The following ARHGAP35 variants were observed in gnomAD, a reference collection of about 807,000 sequenced individuals.
ARHGAP35 encodes the protein Rho GTPase activating protein 35.
A neutral mutation model predicts 111.1 loss-of-function variants in ARHGAP35; 15 were observed. That is an observed-to-expected ratio of 0.13 (90% confidence interval 0.09 to 0.21). The LOEUF (loss-of-function observed/expected upper bound fraction) is 0.21, where lower values mean the gene tolerates loss of function less well. ARHGAP35 is among the 10% of genes least tolerant of loss of function. The pLI, the probability that ARHGAP35 is intolerant of heterozygous loss-of-function variation, is 1.00. For missense variants in ARHGAP35, 1,262 were observed against 1,873.0 expected, an observed-to-expected ratio of 0.67 and a Z score of 6.02; for synonymous variants, 643 against 710.3, an observed-to-expected ratio of 0.91 and a Z score of 1.51.
At chr19:46,944,451 C>A (rs2122236478) in intron 3 of ARHGAP35, among the ~76,000 whole-genome samples, 1 of 152,210 alleles carries the variant, frequency 6.6e-6, no homozygotes, top group African/African-American at 2.4e-5. Flanking sequence ...AATGCTAGTC[C>A]CCCAAAACAT....
At chr19:46,914,037 C>T (rs2056151867) in intron 1 of ARHGAP35, among the ~76,000 whole-genome samples, 1 of 152,108 alleles carries the variant, frequency 6.6e-6, no homozygotes, top group African/African-American at 2.4e-5. Flanking sequence ...TATTTGTGAC[C>T]AAGCACTTAA....
intron 1 of ARHGAP35, among the ~76,000 whole-genome samples, chr19:46,896,701 C>T (rs963650344): frequency 3.9e-5 from 6 of 152,278 alleles, no homozygotes; most frequent in Non-Finnish European, 8.8e-5. Flanking sequence ...TGATCTTGAA[C>T]GAGTCTCTTG....
intron 1 of ARHGAP35, among the ~76,000 whole-genome samples, chr19:46,877,990 T>G (rs1357465985): frequency 6.6e-6 from 1 of 151,120 alleles, no homozygotes; most frequent in Non-Finnish European, 1.5e-5. Flanking sequence ...TTACAGGCAT[T>G]AGCCACCGCT....
chr19:46,960,076 C>T (rs1351595902), intron 3 of ARHGAP35, among the ~76,000 whole-genome samples: 2 of 145,994 alleles, frequency 1.4e-5, no homozygotes, highest in Admixed American at 1.4e-4. Flanking sequence ...CACCACTGTA[C>T]TCCAGCCTGG....
At chr19:46,911,535 T>C (rs1440777131) in intron 1 of ARHGAP35, among the ~76,000 whole-genome samples, 3 of 152,216 alleles carry the variant, frequency 2.0e-5, no homozygotes, top group African/African-American at 7.2e-5. Flanking sequence ...AAGGAGGGAA[T>C]TTAGCTGCTG....
chr19:46,933,947 G>A lies in ARHGAP35; in HGVS notation c.3682-3317G>A, dbSNP rs144499311. ...TGTTCCTAGTATTAAGAGGGTGGGG[G>A]AATGTAAGATTGAAATTTGTTGTCT... On this transcript the variant is annotated intron_variant, in intron 2 of 6. Coordinates refer to ENST00000672722, the MANE Select transcript of ARHGAP35 (RefSeq NM_004491.5). 7.9e-3 allele frequency among the ~76,000 whole-genome samples: 1,208 copies of A among 152,318 alleles called. 7 individuals carry two copies. The highest frequency in any genetic ancestry group is 0.037 in the Middle Eastern group (11 of 294).
intron 1 of ARHGAP35, among the ~76,000 whole-genome samples, chr19:46,876,375 A>G (rs958994118): frequency 6.6e-6 from 1 of 150,936 alleles, no homozygotes; most frequent in Non-Finnish European, 1.5e-5. Flanking sequence ...ATTTTTTTTA[A>G]ATTTTTTTTT....
intron 2 of ARHGAP35, among the ~76,000 whole-genome samples, chr19:46,933,483 A>G (rs939464173): frequency 2.6e-5 from 4 of 151,966 alleles, no homozygotes; most frequent in Admixed American, 1.3e-4. Flanking sequence ...TCATCCATTT[A>G]TTTATTCTCT....
chr19:46,961,952 GAA>G (rs932730751), intron 3 of ARHGAP35, among the ~76,000 whole-genome samples: 1 of 151,336 alleles, frequency 6.6e-6, no homozygotes, highest in African/African-American at 2.4e-5. Flanking sequence ...GAGAAAGAAA[GAA>G]AAAGAGAGAA....
In ARHGAP35 at chr19:46,918,802, G is replaced by T; in HGVS notation, c.127G>T (p.Val43Leu). The change falls in exon 2 of 7, where the codon GTG (valine) becomes TTG (leucine). Residue 43 changes from valine (V) to leucine (L), a missense_variant. Coordinates refer to ENST00000672722, the MANE Select transcript of ARHGAP35 (RefSeq NM_004491.5). This position sits in a 1 kb window ranked among gnomAD's most constrained non-coding sequence, Gnocchi z 5.4. Reference protein sequence around the residue: ...IGKSCLCNRFVRPSADEFHLD... With the variant: ...IGKSCLCNRFLRPSADEFHLD... ...AAAGTCTTGTTTGTGCAACCGCTTC[G>T]TGCGCCCGAGTGCTGACGAGTTTCA... 3.1e-6 allele frequency: 5 copies of T among 1,613,948 alleles called. No individual in the cohort carries two copies. The South Asian group carries it at 3.3e-5, about 11-fold the overall frequency.
intron 3 of ARHGAP35, among the ~76,000 whole-genome samples, chr19:46,983,606 CTTTTTTTT>C (rs11383795): frequency 4.3e-5 from 3 of 69,264 alleles, no homozygotes; most frequent in Admixed American, 2.1e-4. Context: ...AATGTCCATT[CTTTTTTTT>C]TTTTTTTTTT....
intron 3 of ARHGAP35, among the ~76,000 whole-genome samples, chr19:46,943,769 C>T (rs1467225730): frequency 6.6e-6 from 1 of 152,154 alleles, no homozygotes; most frequent in Non-Finnish European, 1.5e-5. Flanking sequence ...TGCATCATCA[C>T]TTGTGAAGGC....
chr19:46,963,343 C>T (rs529194580), intron 3 of ARHGAP35, among the ~76,000 whole-genome samples: 3 of 152,322 alleles, frequency 2.0e-5, no homozygotes, highest in East Asian at 3.9e-4. Flanking sequence ...AGCACATCTG[C>T]GTGGGGTGCC....
chr19:46,928,625 T>C (rs1387603684), intron 2 of ARHGAP35, among the ~76,000 whole-genome samples: 1 of 152,014 alleles, frequency 6.6e-6, no homozygotes, highest in Non-Finnish European at 1.5e-5. Flanking sequence ...CTTCATGCCT[T>C]AATAGAACAA....
At chr19:46,977,169 C>T (rs1449623793) in intron 3 of ARHGAP35, among the ~76,000 whole-genome samples, 1 of 152,214 alleles carries the variant, frequency 6.6e-6, no homozygotes. Flanking sequence ...CCTGTGGGGA[C>T]TCCCAGCCAC....
chr19:46,871,293 A>G (rs891776312), intron 1 of ARHGAP35, among the ~76,000 whole-genome samples: 1 of 152,188 alleles, frequency 6.6e-6, no homozygotes, highest in Non-Finnish European at 1.5e-5. Flanking sequence ...TGAAATTGCT[A>G]TCAGGCCTGC....
intron 1 of ARHGAP35, among the ~76,000 whole-genome samples, chr19:46,878,637 TTTGTTG>T (rs200543933): frequency 1.3e-5 from 2 of 151,952 alleles, no homozygotes; most frequent in Non-Finnish European, 2.9e-5. Flanking sequence ...TTCCTTTGTT[TTTGTTG>T]TTGTTGTTGT....
At position 46,988,443 on chromosome 19, in the gene ARHGAP35, G is replaced by T. The variant is rs116909859; in HGVS notation, c.3904+377G>T. 3.6e-4 allele frequency: 85 copies of T among 233,976 alleles called. No individual in the cohort carries two copies. The East Asian group carries it at 0.01, about 28-fold the overall frequency. 14.5% of individuals were successfully genotyped at this position (233,976 alleles called of 1,614,324 possible). A position where few individuals can be genotyped will look rare whatever the true frequency, so the allele number is the denominator to read the frequency against. On this transcript the variant is annotated intron_variant, in intron 4 of 6. Coordinates refer to ENST00000672722, the MANE Select transcript of ARHGAP35 (RefSeq NM_004491.5). This position sits in a 1 kb window ranked among gnomAD's most constrained non-coding sequence, Gnocchi z 5.4. ...TCGGGTTGAGATGTGATCCTGTTTTGCCAGGGCCTCAGATCTACCCTCCTC... is the reference window on the plus strand; with the variant it reads ...TCGGGTTGAGATGTGATCCTGTTTTTCCAGGGCCTCAGATCTACCCTCCTC...
intron 1 of ARHGAP35, among the ~76,000 whole-genome samples, chr19:46,916,450 G>T (rs1243390113): frequency 6.6e-6 from 1 of 151,982 alleles, no homozygotes; most frequent in East Asian, 1.9e-4. Flanking sequence ...CTACAGAAAG[G>T]CTTTCCCGAA....
Sources: gnomAD v4.1 joint callset for allele counts (sites outside exome capture counted in the v4.1 genomes callset) on GRCh38, gnomAD v4.1.1 for gene constraint, Gnocchi (gnomAD v3.1) non-coding constraint, MANE v1.5 for transcripts, NCBI Gene and HGNC (gene_info 2026-07-23, HGNC 2026-07-21) for gene names.